Variants in NXPE2 observed in about 807,000 individuals in gnomAD.
The protein encoded by NXPE2 is NXPE family member 2.
NXPE2 carries 34 observed loss-of-function variants against 34.4 expected under a neutral mutation model. That is an observed-to-expected ratio of 0.99 (90% CI 0.75 to 1.31). NXPE2 has a LOEUF of 1.31. Among genes scored for constraint, NXPE2 ranks in the 40% most tolerant of loss-of-function variants. The pLI is 0.00. For missense variants in NXPE2, 649 were observed against 672.5 expected (o/e 0.97, Z 0.39); for synonymous variants, 235 against 231.3 (o/e 1.02, Z -0.15).
chr11:114,652,184 G>A, the NXPE2 span, among the ~76,000 whole-genome samples: 2 of 152,184 alleles, frequency 1.3e-5, no homozygotes, highest in Non-Finnish European at 2.9e-5. Context: ...GGGAGAGAAG[G>A]GTCATACTGA....
chr11:114,807,022 G>C, the NXPE2 span, among the ~76,000 whole-genome samples: 3 of 152,142 alleles, frequency 2.0e-5, no homozygotes, highest in East Asian at 5.8e-4. Context: ...CCAGAAGAGA[G>C]TGGGGACCAA....
chr11:114,509,913 C>T, the NXPE2 span, among the ~76,000 whole-genome samples: 11 of 152,170 alleles, frequency 7.2e-5, no homozygotes, highest in South Asian at 2.1e-4. Flanking sequence ...ACATGTACCC[C>T]GAACTTAAAA....
chr11:114,797,838 C>T, the NXPE2 span, among the ~76,000 whole-genome samples: 2 of 152,170 alleles, frequency 1.3e-5, no homozygotes, highest in African/African-American at 4.8e-5. Context: ...AAACAATCTT[C>T]ATGTGAAGTT....
chr11:114,492,763 T>A, the NXPE2 span, among the ~76,000 whole-genome samples: 1,503 of 152,230 alleles, frequency 9.9e-3, 30 homozygotes, highest in African/African-American at 0.034. Context: ...ATGGTCTCAA[T>A]TTCTTGACCT....
chr11:114,506,456 CT>C, the NXPE2 span, among the ~76,000 whole-genome samples: 2 of 152,144 alleles, frequency 1.3e-5, no homozygotes, highest in African/African-American at 2.4e-5. Context: ...ATGGCACATA[CT>C]TTTAAATCGA....
At chr11:114,512,764 C>A in the NXPE2 span, 2 of 161,250 alleles carry the variant, frequency 1.2e-5, no homozygotes, top group South Asian at 1.8e-4. Flanking sequence ...AAAGGCTCTG[C>A]CCTTCTGTGC....
At chr11:114,691,073 T>C (rs762344513) in intron 2 of NXPE2, among the ~76,000 whole-genome samples, 1 of 152,134 alleles carries the variant, frequency 6.6e-6, no homozygotes, top group Non-Finnish European at 1.5e-5. Flanking sequence ...ACACCTGTCA[T>C]TTCAGATATT....
chr11:114,512,219 G>T, the NXPE2 span, among the ~76,000 whole-genome samples: 1 of 152,098 alleles, frequency 6.6e-6, no homozygotes, highest in African/African-American at 2.4e-5. Context: ...GGGATGCTTG[G>T]ATAGCTTCCT....
chr11:114,801,348 A>C, the NXPE2 span, among the ~76,000 whole-genome samples: 1 of 152,356 alleles, frequency 6.6e-6, no homozygotes, highest in African/African-American at 2.4e-5. Flanking sequence ...GGCAGAGATG[A>C]GCAAATGCAA....
chr11:114,608,695 A>G, the NXPE2 span, among the ~76,000 whole-genome samples: 1 of 151,926 alleles, frequency 6.6e-6, no homozygotes, highest in African/African-American at 2.4e-5. Context: ...CCAGGTAACC[A>G]CTGTAACCAG....
the NXPE2 span, among the ~76,000 whole-genome samples, chr11:114,776,556 C>T: frequency 3.3e-5 from 5 of 152,222 alleles, no homozygotes; most frequent in African/African-American, 4.8e-5. Context: ...GACAGGCTGT[C>T]TGCAGTTGGA....
the NXPE2 span, among the ~76,000 whole-genome samples, chr11:114,672,438 C>T: frequency 4.4e-4 from 66 of 151,712 alleles, no homozygotes; most frequent in Admixed American, 4.1e-3. Flanking sequence ...ATGCAAAGGG[C>T]GTATTAAAAA....
chr11:114,751,923 T>G, the NXPE2 span, among the ~76,000 whole-genome samples: 1 of 152,182 alleles, frequency 6.6e-6, no homozygotes, highest in Non-Finnish European at 1.5e-5. Context: ...GCCATGATGA[T>G]GGCTTTGAAG....
the NXPE2 span, among the ~76,000 whole-genome samples, chr11:114,596,764 A>G: frequency 1.3e-5 from 2 of 152,338 alleles, no homozygotes; most frequent in South Asian, 2.1e-4. Context: ...GCAACCACCC[A>G]AGTTCACAGT....
At chr11:114,527,812 C>T in the NXPE2 span, 3 of 1,539,066 alleles carry the variant, frequency 1.9e-6, no homozygotes, top group Non-Finnish European at 2.6e-6. Context: ...CTCTGAGCAT[C>T]ACCTAACTCA....
At chr11:114,642,723 T>C in the NXPE2 span, among the ~76,000 whole-genome samples, 7 of 152,086 alleles carry the variant, frequency 4.6e-5, no homozygotes, top group Non-Finnish European at 1.0e-4. Flanking sequence ...GCAATATACA[T>C]ATGTGTGCAT....
the NXPE2 span, among the ~76,000 whole-genome samples, chr11:114,779,396 G>C: frequency 1.3e-5 from 2 of 152,152 alleles, no homozygotes; most frequent in Non-Finnish European, 2.9e-5. Context: ...AGGTGCACCT[G>C]GGAAGGGGTT....
chr11:114,777,471 C>G, the NXPE2 span, among the ~76,000 whole-genome samples: 7 of 152,204 alleles, frequency 4.6e-5, no homozygotes, highest in African/African-American at 1.7e-4. Flanking sequence ...TTAACATTCT[C>G]AGGGCACATT....
chr11:114,566,717 A>C, the NXPE2 span, among the ~76,000 whole-genome samples: 3 of 148,964 alleles, frequency 2.0e-5, no homozygotes, highest in Non-Finnish European at 4.4e-5. Context: ...CTCTCTCTCT[A>C]TCTCTGTATA....
Sources: allele counts gnomAD v4.1 joint callset (sites outside exome capture counted in the v4.1 genomes callset), GRCh38; gene constraint gnomAD v4.1.1; transcripts MANE v1.5; gene names NCBI Gene and HGNC (gene_info 2026-07-23, HGNC 2026-07-21).